ZNF236: variants seen among roughly 807,000 people sequenced by gnomAD.
ZNF236 encodes regulated by glucose.
A neutral mutation model predicts 191.2 loss-of-function variants in ZNF236; 50 were observed. The ratio of observed to expected loss-of-function variants is 0.26; its 90% CI spans 0.21 to 0.33. The LOEUF (loss-of-function observed/expected upper bound fraction) is 0.33. ZNF236 is among the 10% of genes least tolerant of loss of function. ZNF236 has a pLI of 1.00. For synonymous variants in ZNF236, 907 were observed against 928.8 expected (o/e 0.98, Z 0.43); for missense variants, 1,754 against 2,374.5 (o/e 0.74, Z 5.43).
Position 76,972,234 on chromosome 18 carries a change from A to G in ZNF236, c.*3895A>G, listed in dbSNP as rs926191944. Among the ~76,000 whole-genome samples the G allele has an allele frequency of 6.6e-6, 1 of 152,254 alleles. No individual in the cohort carries two copies. Among genetic ancestry groups the G allele is most frequent in the African/African-American group, 2.4e-5 (1 of 41,470 alleles). ...GTACGCCAAAGGCCACTGAGCTGGC[A>G]TCTTCTTCATTGTGGAGAAAGTGGG... is the stretch of plus-strand genomic sequence containing the variant. On this transcript the variant is annotated 3_prime_UTR_variant, in exon 31 of 31. Coordinates refer to ENST00000320610, the MANE Select transcript of ZNF236 (RefSeq NM_001306089.2).
At chr18:76,946,060 A>G (rs1421475363) in intron 26 of ZNF236, among the ~76,000 whole-genome samples, 1 of 151,972 alleles carries the variant, frequency 6.6e-6, no homozygotes, top group Non-Finnish European at 1.5e-5. Context: ...TCTCAGTCCT[A>G]TTTTTCCTCC....
intron 26 of ZNF236, among the ~76,000 whole-genome samples, chr18:76,942,951 G>A (rs1209653093): frequency 1.3e-5 from 2 of 149,582 alleles, no homozygotes; most frequent in Admixed American, 6.7e-5. Flanking sequence ...GTGAAACCCC[G>A]TCTCTACTAA....
At chr18:76,901,774 TG>T (rs1849115514) in intron 11 of ZNF236, among the ~76,000 whole-genome samples, 1 of 151,838 alleles carries the variant, frequency 6.6e-6, no homozygotes, top group Non-Finnish European at 1.5e-5. Flanking sequence ...AAAAAAAGTC[TG>T]ATAATTTAAT....
At chr18:76,827,720 A>G (rs1262996726) in intron 1 of ZNF236, among the ~76,000 whole-genome samples, 3 of 152,246 alleles carry the variant, frequency 2.0e-5, no homozygotes, top group Admixed American at 2.0e-4. Flanking sequence ...AGTAGTCAGG[A>G]CGTGAGAAGT....
At chr18:76,829,358 C>T (rs774030104) in intron 1 of ZNF236, among the ~76,000 whole-genome samples, 35 of 149,690 alleles carry the variant, frequency 2.3e-4, no homozygotes, top group Non-Finnish European at 1.8e-4. Context: ...GACGGAGTCT[C>T]GCTCTGTCGC....
At chr18:76,910,450 G>A (rs1347846998) in intron 15 of ZNF236, among the ~76,000 whole-genome samples, 1 of 152,192 alleles carries the variant, frequency 6.6e-6, no homozygotes, top group African/African-American at 2.4e-5. Context: ...GGCTGGTCCT[G>A]TAAAGCCTCC....
chr18:76,926,994 C>T (rs372532080), intron 22 of ZNF236, 43 bp from the exon 23 acceptor site: 1 of 1,567,528 alleles, frequency 6.4e-7, no homozygotes, highest in East Asian at 2.3e-5. Flanking sequence ...TTTTAAGAAG[C>T]ATTCATAATA....
At chr18:76,872,921 T>C (rs573567314) in intron 5 of ZNF236, among the ~76,000 whole-genome samples, 1 of 152,352 alleles carries the variant, frequency 6.6e-6, no homozygotes, top group Non-Finnish European at 1.5e-5. Flanking sequence ...ATTGCTTTTT[T>C]TTTATTTTTC....
In ZNF236 at chr18:76,960,943, C is replaced by T; in HGVS notation, c.5419+88C>T. The T allele has an allele frequency of 7.1e-7, 1 of 1,413,980 alleles. No individual in the cohort carries two copies. The highest frequency in any genetic ancestry group is 1.4e-5 in the South Asian group (1 of 70,890). 87.6% of individuals were successfully genotyped at this position (1,413,980 alleles called of 1,614,324 possible). Reference sequence around the variant, plus strand: ...CATACATTGTTTCCTTTAGTTCACACAGTGATTTTGCATTGCACGTGGTAC... The same window carrying T: ...CATACATTGTTTCCTTTAGTTCACATAGTGATTTTGCATTGCACGTGGTAC... On this transcript the variant is annotated intron_variant, in intron 30 of 30. Transcript: ENST00000320610. This position sits in a 1 kb window ranked among gnomAD's most constrained non-coding sequence, Gnocchi z 4.4.
intron 30 of ZNF236, among the ~76,000 whole-genome samples, chr18:76,962,923 A>AT (rs1568250202): frequency 6.6e-6 from 1 of 152,086 alleles, no homozygotes; most frequent in African/African-American, 2.4e-5. Context: ...CTTTACATCA[A>AT]TTTTTTATCT....
At chr18:76,895,469 G>A in intron 10 of ZNF236, 184 bp downstream of exon 10, 1 of 824,590 alleles carries the variant, frequency 1.2e-6, no homozygotes, top group South Asian at 1.8e-5. Flanking sequence ...CCGCAATGCA[G>A]CACCCACACC....
intron 1 of ZNF236, among the ~76,000 whole-genome samples, chr18:76,823,703 C>T (rs1224473942): frequency 6.6e-6 from 1 of 152,262 alleles, no homozygotes; most frequent in Admixed American, 6.5e-5. Context: ...CCTGGCCCTT[C>T]CAGCAGTCAG....
At chr18:76,825,274 G>A (rs559621861) in intron 1 of ZNF236, among the ~76,000 whole-genome samples, 3 of 152,356 alleles carry the variant, frequency 2.0e-5, no homozygotes, top group South Asian at 4.1e-4. Context: ...CTGTAGCAAA[G>A]TGGTTCTCAA....
intron 3 of ZNF236, among the ~76,000 whole-genome samples, chr18:76,867,583 C>G (rs909051347): frequency 6.6e-6 from 1 of 152,084 alleles, no homozygotes; most frequent in Non-Finnish European, 1.5e-5. Flanking sequence ...TGCTCATTGA[C>G]AGGTCATGTT....
intron 9 of ZNF236, chr18:76,886,980 T>C (rs964909291): frequency 3.3e-5 from 6 of 183,506 alleles, no homozygotes; most frequent in Non-Finnish European, 7.0e-5. Flanking sequence ...TATCAGTGAC[T>C]GTCTCTCTCC....
intron 14 of ZNF236, among the ~76,000 whole-genome samples, chr18:76,908,800 C>T (rs1380789139): frequency 1.3e-5 from 2 of 151,908 alleles, no homozygotes; most frequent in Non-Finnish European, 2.9e-5. Flanking sequence ...TTTGAAAAAA[C>T]AAAAACAAAG....
intron 3 of ZNF236, among the ~76,000 whole-genome samples, chr18:76,867,081 G>A (rs770369355): frequency 2.0e-5 from 3 of 152,160 alleles, no homozygotes; most frequent in Non-Finnish European, 4.4e-5. Flanking sequence ...GTGAAAAGAG[G>A]GTGGGTGTGA....
In ZNF236 at chr18:76,956,065, C is replaced by T. The variant is rs369723879; in HGVS notation, c.4995C>T (p.Asp1665=). 2.3e-5 allele frequency: 37 copies of T among 1,607,678 alleles called. No homozygotes were observed. The African/African-American group carries it at 4.5e-4, about 20-fold the overall frequency. The change falls in exon 28 of 31, where the codon GAC becomes GAT. Residue 1665 remains aspartate, a synonymous_variant. Transcript: ENST00000320610. ...GGGCGCACCAGTGCCTGGAGTGTGA[C>T]CGCGCCTTCTCATCGGCGGCGGTGC... The part of the protein sequence containing the change: ...EGRAHQCLEC[D]RAFSSAAVLM...
At chr18:76,964,956 G>A (rs890828263) in intron 30 of ZNF236, among the ~76,000 whole-genome samples, 5 of 152,176 alleles carry the variant, frequency 3.3e-5, no homozygotes, top group African/African-American at 7.2e-5. Context: ...AGTTTTCCTC[G>A]ATTATTCCCC....
Sources: gnomAD v4.1 joint callset for allele counts (sites outside exome capture counted in the v4.1 genomes callset) on GRCh38, gnomAD v4.1.1 for gene constraint, Gnocchi (gnomAD v3.1) non-coding constraint, MANE v1.5 for transcripts, NCBI Gene and HGNC (gene_info 2026-07-23, HGNC 2026-07-21) for gene names.